The following TCEA2 variants were observed in gnomAD, a reference collection of about 807,000 sequenced individuals.
TCEA2 encodes the protein transcription elongation factor A protein 2.
In TCEA2, 21 loss-of-function variants were observed where a neutral mutation model predicts 40.8. That is an observed-to-expected ratio of 0.51 (90% confidence interval 0.36 to 0.74). The LOEUF (loss-of-function observed/expected upper bound fraction) is 0.74, where lower values mean the gene tolerates loss of function less well. TCEA2 is among the 30% of genes least tolerant of loss of function. The pLI is 0.00. For synonymous variants in TCEA2, 165 were observed against 162.7 expected (o/e 1.01, Z -0.11); for missense variants, 326 against 426.5 (o/e 0.76, Z 2.08).
chr20:64,055,855 G>C (rs1211465505), upstream of TCEA2, among the ~76,000 whole-genome samples: 1 of 152,102 alleles, frequency 6.6e-6, no homozygotes, highest in African/African-American at 2.4e-5. This position sits in a 1 kb window ranked among gnomAD's most constrained non-coding sequence, Gnocchi z 4.0. Context: ...AGTCTCCCTG[G>C]TCTCTCTCTG....
intron 8 of TCEA2, among the ~76,000 whole-genome samples, chr20:64,071,002 C>T (rs2059816153): frequency 6.6e-6 from 1 of 152,174 alleles, no homozygotes; most frequent in Admixed American, 6.5e-5. Context: ...TGGAGGTGGA[C>T]ACTGAGTGTG....
chr20:64,060,693 C>T (rs1208906839), upstream of TCEA2, among the ~76,000 whole-genome samples: 1 of 152,176 alleles, frequency 6.6e-6, no homozygotes, highest in African/African-American at 2.4e-5. Flanking sequence ...GTATGGAAAC[C>T]GTGTTCATCT....
chr20:64,063,407 AC>A (rs1434345951), intron 1 of TCEA2, 23 bp downstream of exon 1: 1 of 1,535,154 alleles, frequency 6.5e-7, no homozygotes, highest in African/African-American at 1.4e-5. Context: ...GGCCGCCAGG[AC>A]CCCGGGAACC....
Position 64,063,392 on chromosome 20 carries a change from G to T in TCEA2, c.72+8G>T. The T allele has an allele frequency of 6.5e-7, 1 of 1,545,038 alleles. No homozygotes were observed. On this transcript the variant is annotated splice_region_variant and intron_variant, in intron 1 of 9. Coordinates refer to ENST00000343484, the MANE Select transcript of TCEA2 (RefSeq NM_003195.6). Reference sequence around the variant, plus strand: ...GTGACCAAGAAGAGCGCGGTGAGGGGCGCGGGCCGCCAGGACCCCGGGAAC... The same window carrying T: ...GTGACCAAGAAGAGCGCGGTGAGGGTCGCGGGCCGCCAGGACCCCGGGAAC...
rs930751771 is a variant in TCEA2 at position 64,058,112 on chromosome 20, G to C, written c.-84+461G>C. On this transcript the variant is annotated intron_variant, in intron 1 of 10. Coordinates refer to the TCEA2 transcript ENST00000361317. This position sits in a 1 kb window ranked among gnomAD's most constrained non-coding sequence, Gnocchi z 6.7. ...GCAGGACTAGAGCATGTCAGGGTTC[G>C]GGGCTCCTGTCATAGCGGAGTGGCT... is the stretch of plus-strand genomic sequence containing the variant. Among the ~76,000 whole-genome samples, 1 of 152,228 alleles carries C rather than the reference G, an allele frequency of 6.6e-6. No homozygotes were observed. Among genetic ancestry groups the C allele is most frequent in the Admixed American group, 6.5e-5 (1 of 15,294 alleles).
chr20:64,065,146 T>G (rs942881076), intron 1 of TCEA2, among the ~76,000 whole-genome samples: 1 of 152,100 alleles, frequency 6.6e-6, no homozygotes, highest in African/African-American at 2.4e-5. Context: ...GGGGTTTTTT[T>G]GCCTCTGGAC....
intron 3 of TCEA2, among the ~76,000 whole-genome samples, chr20:64,067,328 T>G (rs1031999797): frequency 6.6e-6 from 1 of 152,046 alleles, no homozygotes; most frequent in Non-Finnish European, 1.5e-5. Flanking sequence ...ACTGAGAGAC[T>G]GGGGTGAGTT....
chr20:64,057,176 G>A (rs1034466545), upstream of TCEA2: 2 of 152,270 alleles, frequency 1.3e-5, no homozygotes, highest in Non-Finnish European at 2.9e-5. Flanking sequence ...TGCACGTCAT[G>A]TGGCTGTGGC....
chr20:64,066,795 C>T, intron 2 of TCEA2, 120 bp from the exon 3 acceptor site: 1 of 1,029,814 alleles, frequency 9.7e-7, no homozygotes, highest in Non-Finnish European at 1.5e-6. Flanking sequence ...TGGGAGAGGC[C>T]TCTACCTCCC....
intron 3 of TCEA2, among the ~76,000 whole-genome samples, chr20:64,067,533 TG>T (rs1210969762): frequency 6.6e-6 from 1 of 152,088 alleles, no homozygotes; most frequent in African/African-American, 2.4e-5. Context: ...GTGGGGTGAC[TG>T]GGGTTGCAAA....
At chr20:64,058,223 C>T (rs2059499752), upstream of TCEA2, among the ~76,000 whole-genome samples, 1 of 152,236 alleles carries the variant, frequency 6.6e-6, no homozygotes, top group African/African-American at 2.4e-5. The surrounding 1 kb of genome is among the most constrained non-coding windows in gnomAD (Gnocchi z 6.7). Context: ...CCATCACCTG[C>T]CCCTGCCATG....
rs943355141 is a variant in TCEA2, at chr20:64,063,295, G to T, written c.-18G>T. ...GGAGGCGGGCGCGACGGGCGCGGGG[G>T]TCGCTGCTCCTGAGGCGATGATGGG... On this transcript the variant is annotated 5_prime_UTR_variant, in exon 1 of 10. Coordinates refer to ENST00000343484, the MANE Select transcript of TCEA2 (RefSeq NM_003195.6). 17 of 1,519,940 alleles carry T rather than the reference G, an allele frequency of 1.1e-5. No homozygotes were observed. The highest frequency in any genetic ancestry group is 4.1e-5 in the Admixed American group (2 of 48,748). The allele number at this position is 1,519,940 out of a possible 1,614,324, so 94.2% of individuals were successfully genotyped here.
chr20:64,072,091 C>G (rs565823077), intron 9 of TCEA2, 81 bp from the exon 10 acceptor site: 1 of 1,601,686 alleles, frequency 6.2e-7, no homozygotes, highest in Non-Finnish European at 8.5e-7. Context: ...AGAGCCCAGC[C>G]TTGGGTGAGC....
Position 64,066,465 on chromosome 20 carries a change from T to C in TCEA2, c.73-11T>C, listed in dbSNP as rs772289753. 5.6e-6 allele frequency: 9 copies of C among 1,613,302 alleles called. No homozygotes were observed. Among genetic ancestry groups the C allele is most frequent in the Non-Finnish European group, 6.8e-6 (8 of 1,179,410 alleles). On this transcript the variant is annotated splice_polypyrimidine_tract_variant and intron_variant, in intron 1 of 9. Coordinates refer to ENST00000343484, the MANE Select transcript of TCEA2 (RefSeq NM_003195.6). The stretch of plus-strand genomic sequence containing the variant: ...TAAAGTCCTTTATGAAGGTCCTCCT[T>C]CTCCTTCCAGGAGGGAGCCATGGAT...
At chr20:64,066,318 C>T in intron 1 of TCEA2, 158 bp from the exon 2 acceptor site, 1 of 779,626 alleles carries the variant, frequency 1.3e-6, no homozygotes, top group Non-Finnish European at 2.1e-6. Context: ...TGGGCAGAGC[C>T]CTGGGTGTCT....
chr20:64,060,082 C>T (rs574704556), upstream of TCEA2, among the ~76,000 whole-genome samples: 32 of 152,348 alleles, frequency 2.1e-4, no homozygotes, highest in East Asian at 1.9e-4. Flanking sequence ...GCTTCTGGGA[C>T]GTTGACCCTC....
chr20:64,072,264 G>A lies in TCEA2; in HGVS notation c.*84G>A. On this transcript the variant is annotated 3_prime_UTR_variant, in exon 10 of 10. Coordinates refer to ENST00000343484, the MANE Select transcript of TCEA2 (RefSeq NM_003195.6). Reference sequence around the variant, plus strand: ...ACAGCTTCTCTGGAGACCCTAGAAGGCGGCATGTCCTGCCCTCAACCTGCC... The same window carrying A: ...ACAGCTTCTCTGGAGACCCTAGAAGACGGCATGTCCTGCCCTCAACCTGCC... 6.6e-7 allele frequency: 1 copy of A among 1,509,548 alleles called. No individual in the cohort carries two copies. The highest frequency in any genetic ancestry group is 9.1e-7 in the Non-Finnish European group (1 of 1,100,718). 93.5% of individuals were successfully genotyped at this position (1,509,548 alleles called of 1,614,324 possible). A position where few individuals can be genotyped will look rare whatever the true frequency, so the allele number is the denominator to read the frequency against.
At chr20:64,068,193 G>A in intron 4 of TCEA2, 59 bp downstream of exon 4, 1 of 1,456,038 alleles carries the variant, frequency 6.9e-7, no homozygotes, top group Admixed American at 1.9e-5. Flanking sequence ...TTCCTTGCCA[G>A]AGAAAGGGTG....
intron 1 of TCEA2, chr20:64,063,690 C>A: frequency 2.3e-6 from 1 of 433,200 alleles, no homozygotes; most frequent in Non-Finnish European, 4.2e-6. Context: ...CCGCACCCTT[C>A]CCTGTCCCTT....
Sources: gnomAD v4.1 joint callset for allele counts (sites outside exome capture counted in the v4.1 genomes callset) on GRCh38, gnomAD v4.1.1 for gene constraint, Gnocchi (gnomAD v3.1) non-coding constraint, MANE v1.5 for transcripts, NCBI Gene and HGNC (gene_info 2026-07-23, HGNC 2026-07-21) for gene names.